UNC13C: variants seen among roughly 807,000 people sequenced by gnomAD.
The protein encoded by UNC13C is protein unc-13 homolog C.
A neutral mutation model predicts 245.4 loss-of-function variants in UNC13C; 174 were observed. The observed-to-expected ratio is 0.71, with a 90% CI of 0.63 to 0.80. The LOEUF is 0.80. Ranked by LOEUF, UNC13C falls within the 30% of genes least tolerant of loss-of-function variation. The pLI, the probability that UNC13C is intolerant of heterozygous loss-of-function variation, is 0.00. For synonymous variants in UNC13C, 992 were observed against 895.1 expected (o/e 1.11, Z -1.93); for missense variants, 2,829 against 2,602.9 (o/e 1.09, Z -1.89).
intron 2 of UNC13C, among the ~76,000 whole-genome samples, chr15:54,063,859 G>A (rs1027001411): frequency 5.5e-4 from 84 of 152,280 alleles, no homozygotes; most frequent in Non-Finnish European, 1.0e-3. Context: ...TTGAGAAGGA[G>A]GGGAAAGGGC....
Position 54,110,123 on chromosome 15 carries a change from T to C in UNC13C, c.2984-32895T>C, listed in dbSNP as rs1438314956. On this transcript the variant is annotated intron_variant, in intron 2 of 32. Coordinates refer to ENST00000260323, the MANE Select transcript of UNC13C (RefSeq NM_001080534.3). ...TGGAACCCAGTCTCTACTAAAAATA[T>C]AAAAAAATTAGCCAGGCCTGGTAGC... Among the ~76,000 whole-genome samples the C allele has an allele frequency of 5.9e-5, 9 of 151,694 alleles. No individual in the cohort carries two copies. The East Asian group carries it at 1.8e-3, about 30-fold the overall frequency.
chr15:54,186,422 G>A (rs1371887992), intron 4 of UNC13C, among the ~76,000 whole-genome samples: 1 of 152,012 alleles, frequency 6.6e-6, no homozygotes, highest in African/African-American at 2.4e-5. Flanking sequence ...GTATATACTT[G>A]ACACTTTAAA....
chr15:54,571,813 G>T (rs1212509699), intron 30 of UNC13C, among the ~76,000 whole-genome samples: 6 of 152,108 alleles, frequency 3.9e-5, no homozygotes, highest in African/African-American at 9.7e-5. Context: ...AATACAGGAA[G>T]TTGGTGGGTA....
chr15:54,013,778 G>T lies in UNC13C; in HGVS notation c.875G>T (p.Arg292Leu). 6.2e-7 allele frequency: 1 copy of T among 1,610,848 alleles called. No homozygotes were observed. Among genetic ancestry groups the T allele is most frequent in the Non-Finnish European group, 8.5e-7 (1 of 1,178,536 alleles). The change falls in exon 2 of 33, where the codon CGC (arginine) becomes CTC (leucine). Residue 292 changes from arginine to leucine, a missense_variant. Arg to Leu is a moderately radical substitution (Grantham distance 102, BLOSUM62 -2). Transcript: ENST00000260323. ...EVVQSEIEQL[R>L]TGFVQSRRET... ...GTACAAAGTGAAATTGAGCAGTTGC[G>T]CACAGGGTTTGTCCAGTCTCGGAGG...
At chr15:54,607,655 A>G (rs1010197864) in intron 30 of UNC13C, among the ~76,000 whole-genome samples, 1 of 152,210 alleles carries the variant, frequency 6.6e-6, no homozygotes, top group Admixed American at 6.5e-5. Flanking sequence ...CTGTACATGA[A>G]GCATGGCTGG....
chr15:54,301,863 C>T (rs2037592458), intron 13 of UNC13C, among the ~76,000 whole-genome samples: 2 of 152,160 alleles, frequency 1.3e-5, no homozygotes, highest in African/African-American at 4.8e-5. Context: ...GGAATCACCA[C>T]ACTGTGTTCC....
chr15:54,626,341 T>C (rs1209448680), intron 32 of UNC13C, among the ~76,000 whole-genome samples: 1 of 152,146 alleles, frequency 6.6e-6, no homozygotes, highest in Non-Finnish European at 1.5e-5. Context: ...ATATTGTGAA[T>C]AGTGCTTGAT....
chr15:54,136,279 A>G (rs549479955), intron 2 of UNC13C, among the ~76,000 whole-genome samples: 67 of 152,156 alleles, frequency 4.4e-4, no homozygotes, highest in African/African-American at 1.6e-3. Flanking sequence ...CTGGGGCTAT[A>G]GGCATGTGCC....
chr15:54,049,705 G>GT (rs1367040208), intron 2 of UNC13C: 5 of 224,412 alleles, frequency 2.2e-5, no homozygotes, highest in Admixed American at 1.7e-4. Flanking sequence ...TGCTACCAGT[G>GT]TTTTTCTAAA....
At chr15:54,244,168 A>G (rs571241984) in intron 7 of UNC13C, among the ~76,000 whole-genome samples, 32 of 152,288 alleles carry the variant, frequency 2.1e-4, no homozygotes, top group Non-Finnish European at 3.7e-4. Flanking sequence ...TGATGTAAGC[A>G]AGTGGTCCAC....
At chr15:53,927,041 G>A in the UNC13C span, among the ~76,000 whole-genome samples, 1 of 152,144 alleles carries the variant, frequency 6.6e-6, no homozygotes, top group African/African-American at 2.4e-5. Flanking sequence ...ATACAGTATT[G>A]TACTTTCTAT....
At chr15:53,943,808 G>A in the UNC13C span, among the ~76,000 whole-genome samples, 7,851 of 152,086 alleles carry the variant, frequency 0.052, 414 homozygotes, top group African/African-American at 0.13. Flanking sequence ...GTACATGTAC[G>A]TGTAGGATTG....
At chr15:54,592,658 C>G (rs1898857582) in intron 30 of UNC13C, among the ~76,000 whole-genome samples, 1 of 152,092 alleles carries the variant, frequency 6.6e-6, no homozygotes, top group Non-Finnish European at 1.5e-5. Flanking sequence ...ATGCCTTTTT[C>G]TACCCCTTTA....
intron 1 of UNC13C, among the ~76,000 whole-genome samples, chr15:53,979,626 G>C (rs1298602111): frequency 6.6e-6 from 1 of 152,142 alleles, no homozygotes; most frequent in Non-Finnish European, 1.5e-5. Flanking sequence ...GAGTAAGACA[G>C]ATATACAACA....
chr15:54,249,829 G>T (rs867552384), intron 7 of UNC13C, among the ~76,000 whole-genome samples: 1 of 152,166 alleles, frequency 6.6e-6, no homozygotes, highest in Admixed American at 6.5e-5. Flanking sequence ...CTGAGGAGGG[G>T]TGAAGTGTCA....
intron 13 of UNC13C, among the ~76,000 whole-genome samples, chr15:54,304,157 T>G (rs569058660): frequency 9.2e-5 from 14 of 152,164 alleles, no homozygotes; most frequent in Non-Finnish European, 1.6e-4. Flanking sequence ...CCATAGATAT[T>G]AAGTAAATAA....
chr15:54,344,648 T>C (rs1437756639), intron 17 of UNC13C, among the ~76,000 whole-genome samples: 1 of 152,202 alleles, frequency 6.6e-6, no homozygotes, highest in African/African-American at 2.4e-5. Flanking sequence ...CTAGGAATAC[T>C]TCATATGATT....
At chr15:54,413,060 A>C (rs2040446485) in intron 18 of UNC13C, among the ~76,000 whole-genome samples, 1 of 152,136 alleles carries the variant, frequency 6.6e-6, no homozygotes, top group Non-Finnish European at 1.5e-5. Flanking sequence ...GTCTAACAAT[A>C]TGGTAAATTA....
At chr15:54,301,796 A>G (rs2037590422) in intron 13 of UNC13C, among the ~76,000 whole-genome samples, 1 of 152,144 alleles carries the variant, frequency 6.6e-6, no homozygotes. Flanking sequence ...TCCTTTGGGT[A>G]TATATCTAGT....
Sources: allele counts gnomAD v4.1 joint callset (sites outside exome capture counted in the v4.1 genomes callset), GRCh38; gene constraint gnomAD v4.1.1; transcripts MANE v1.5; gene names NCBI Gene and HGNC (gene_info 2026-07-23, HGNC 2026-07-21).